The following KATNIP variants were observed in gnomAD, a reference collection of about 807,000 sequenced individuals.
KATNIP encodes katanin interacting protein.
KATNIP carries 126 observed loss-of-function variants against 174.0 expected under a neutral mutation model. That is an observed-to-expected ratio of 0.72 (90% CI 0.63 to 0.84). The LOEUF (loss-of-function observed/expected upper bound fraction) is 0.84, where lower values mean the gene tolerates loss of function less well. Among genes scored for constraint, KATNIP ranks in the 40% least tolerant of loss-of-function variants. The pLI, the probability that KATNIP is intolerant of heterozygous loss-of-function variation, is 0.00. For missense variants in KATNIP, 1,958 were observed against 2,109.7 expected, an observed-to-expected ratio of 0.93 and a Z score of 1.41; for synonymous variants, 810 against 835.7, an observed-to-expected ratio of 0.97 and a Z score of 0.53.
intron 1 of KATNIP, among the ~76,000 whole-genome samples, chr16:27,560,399 C>A (rs780249736): frequency 1.3e-5 from 2 of 152,040 alleles, no homozygotes; most frequent in Non-Finnish European, 2.9e-5. Context: ...CTCTGGTCCT[C>A]TAGCACTGAA....
At chr16:27,721,724 G>T in intron 14 of KATNIP, 29 bp downstream of exon 14, 1 of 1,608,714 alleles carries the variant, frequency 6.2e-7, no homozygotes. Flanking sequence ...TTCCCCACTG[G>T]GCACTGGGTT....
intron 8 of KATNIP, among the ~76,000 whole-genome samples, chr16:27,686,780 T>C (rs1407400153): frequency 6.6e-6 from 1 of 152,200 alleles, no homozygotes; most frequent in Non-Finnish European, 1.5e-5. Context: ...TACCAGAGAT[T>C]ACAACATGCA....
chr16:27,661,478 G>A (rs1057477177), intron 6 of KATNIP, among the ~76,000 whole-genome samples: 15 of 151,754 alleles, frequency 9.9e-5, no homozygotes, highest in African/African-American at 2.9e-4. Flanking sequence ...TGCAACCTCC[G>A]CCTCCCGGGT....
In KATNIP at chr16:27,749,905, A is replaced by G. The variant is rs1458632061; in HGVS notation, c.2945A>G (p.Lys982Arg). The G allele has an allele frequency of 6.2e-7, 1 of 1,614,192 alleles. No individual in the cohort carries two copies. Among genetic ancestry groups the G allele is most frequent in the East Asian group, 2.2e-5 (1 of 44,876 alleles). Reference protein sequence around the residue: ...PYGQRLVIDIKSTWGDRHYVG... With the variant: ...PYGQRLVIDIRSTWGDRHYVG... ...GGACAGCGCTTGGTCATTGACATCA[A>G]GTCTACCTGGGGGGACAGACACTAT... The change falls in exon 16 of 28, where the codon AAG becomes AGG. Residue 982 changes from lysine (K) to arginine (R), a missense_variant. By Grantham distance (26) the Lys-to-Arg change is conservative (BLOSUM62 2). Around this residue, in one of 3 missense-constraint regions of KATNIP, gnomAD observed 1,557 missense variants for 1,617.8 expected, o/e 0.96. Transcript: ENST00000261588.
intron 11 of KATNIP, among the ~76,000 whole-genome samples, chr16:27,702,311 C>T (rs1046146133): frequency 2.6e-5 from 4 of 152,188 alleles, no homozygotes; most frequent in African/African-American, 9.7e-5. Context: ...CCCACAGCAG[C>T]GTCCTTCGAA....
chr16:27,721,631 C>T lies in KATNIP; in HGVS notation c.1679C>T (p.Thr560Ile). 4 of 1,614,178 alleles carry T rather than the reference C, an allele frequency of 2.5e-6. No homozygotes were observed. The highest frequency in any genetic ancestry group is 2.5e-6 in the Non-Finnish European group (3 of 1,180,018). Residue 560 changes from threonine to isoleucine, a missense_variant, in exon 14 of 28, where the codon ACA becomes ATA. This residue lies in a region of KATNIP where 1,557 missense variants were observed against 1,617.8 expected (regional missense o/e 0.96). Transcript: ENST00000261588. ...PLQLFFVIRN[T>I]RQLGDFHLAK... ...CAGCTGTTTTTTGTTATTCGAAACACAAGACAGCTGGGGGACTTCCATCTG... is the reference window on the plus strand; with the variant it reads ...CAGCTGTTTTTTGTTATTCGAAACATAAGACAGCTGGGGGACTTCCATCTG...
intron 6 of KATNIP, among the ~76,000 whole-genome samples, chr16:27,674,518 T>C (rs2078038370): frequency 6.6e-6 from 1 of 152,260 alleles, no homozygotes; most frequent in Non-Finnish European, 1.5e-5. Flanking sequence ...TCCAGCACTA[T>C]AGCTCACTCC....
At chr16:27,660,107 A>C (rs2077422365) in intron 6 of KATNIP, 1 of 657,858 alleles carries the variant, frequency 1.5e-6, no homozygotes, top group Non-Finnish European at 1.9e-6. Context: ...TTCCATAAAC[A>C]TTCTGGGGCC....
intron 5 of KATNIP, among the ~76,000 whole-genome samples, chr16:27,643,649 G>C (rs892344710): frequency 7.5e-5 from 11 of 147,168 alleles, no homozygotes; most frequent in African/African-American, 2.7e-4. Flanking sequence ...CTGAGTGCTT[G>C]GAGTGGCACC....
Position 27,628,827 on chromosome 16 carries a change from C to CA in KATNIP, c.308dup (p.His103GlnfsTer13), listed in dbSNP as rs1397174996. ...AAGTGCCTCCCACACGGAGGGGACACACGGTGAGCACAGGCCCTCCAGGCT... is the reference window on the plus strand; with the variant it reads ...AAGTGCCTCCCACACGGAGGGGACACAACGGTGAGCACAGGCCCTCCAGGCT... On this transcript the variant is annotated frameshift_variant, in exon 4 of 28. Transcript: ENST00000261588. LOFTEE classifies it high-confidence loss of function. 1.9e-6 allele frequency: 3 copies of CA among 1,613,926 alleles called. No homozygotes were observed. Among genetic ancestry groups the CA allele is most frequent in the Non-Finnish European group, 2.5e-6 (3 of 1,179,996 alleles).
In KATNIP at chr16:27,665,440, C is replaced by T. The variant is rs547574136; in HGVS notation, c.541-12289C>T. 1.5e-4 allele frequency among the ~76,000 whole-genome samples: 23 copies of T among 151,778 alleles called. 1 individual carries two copies. The South Asian group carries it at 4.8e-3, about 32-fold the overall frequency. On this transcript the variant is annotated intron_variant, in intron 6 of 27. Transcript: ENST00000261588. ...TTTACTAATTTCTCTCTCCTGCCAC[C>T]CTGTGAAGAGGTGCTTTCTGCCATG...
intron 12 of KATNIP, among the ~76,000 whole-genome samples, chr16:27,705,830 C>T (rs2079277565): frequency 6.6e-6 from 1 of 152,060 alleles, no homozygotes. Flanking sequence ...GGCCCCCCAG[C>T]ACACCTGGCT....
intron 6 of KATNIP, among the ~76,000 whole-genome samples, chr16:27,652,142 G>A (rs1162508592): frequency 6.6e-6 from 1 of 152,204 alleles, no homozygotes; most frequent in East Asian, 1.9e-4. Flanking sequence ...TGAGGATAAG[G>A]CAGAAGAGAA....
At chr16:27,650,882 T>C (rs1473529054) in intron 6 of KATNIP, among the ~76,000 whole-genome samples, 1 of 152,224 alleles carries the variant, frequency 6.6e-6, no homozygotes, top group African/African-American at 2.4e-5. Context: ...AATTGTGGAC[T>C]TTATTACCTT....
chr16:27,654,798 G>A (rs1439393261), intron 6 of KATNIP: 2 of 1,333,276 alleles, frequency 1.5e-6, no homozygotes, highest in Admixed American at 1.9e-5. Context: ...TAGCCAAGCA[G>A]CTGTGCCTGC....
chr16:27,585,806 A>G (rs1198567342), intron 2 of KATNIP, among the ~76,000 whole-genome samples: 2 of 152,192 alleles, frequency 1.3e-5, no homozygotes, highest in African/African-American at 4.8e-5. Flanking sequence ...GGGCACAAAA[A>G]AAGTAGAAAG....
At chr16:27,739,960 T>C in intron 14 of KATNIP, 81 bp from the exon 15 acceptor site, 1 of 1,431,792 alleles carries the variant, frequency 7.0e-7, no homozygotes, top group East Asian at 2.3e-5. Flanking sequence ...TCTTTTCTTT[T>C]TTTGGTATCT....
chr16:27,563,707 T>C (rs1400613335), intron 1 of KATNIP, among the ~76,000 whole-genome samples: 2 of 151,596 alleles, frequency 1.3e-5, no homozygotes, highest in African/African-American at 2.4e-5. Flanking sequence ...ATGGCTGCCA[T>C]AGGAAAATCC....
intron 14 of KATNIP, among the ~76,000 whole-genome samples, chr16:27,736,519 T>C (rs2080902047): frequency 6.6e-6 from 1 of 152,182 alleles, no homozygotes; most frequent in South Asian, 2.1e-4. Context: ...CTGAAGGTCC[T>C]GAACAGAAGA....
Sources: gnomAD v4.1 joint callset for allele counts (sites outside exome capture counted in the v4.1 genomes callset) on GRCh38, gnomAD v4.1.1 for gene constraint, gnomAD v4.1.1 regional missense constraint, MANE v1.5 for transcripts, NCBI Gene and HGNC (gene_info 2026-07-23, HGNC 2026-07-21) for gene names.